FCF1: variants seen among roughly 807,000 people sequenced by gnomAD.
FCF1 encodes rRNA-processing protein FCF1 homolog.
FCF1 carries 17 observed loss-of-function variants against 32.5 expected under a neutral mutation model. The ratio of observed to expected loss-of-function variants is 0.52; its 90% CI spans 0.36 to 0.78. The LOEUF (loss-of-function observed/expected upper bound fraction) is 0.78. FCF1 is among the 30% of genes least tolerant of loss of function. The pLI is 0.00. For missense variants in FCF1, 201 were observed against 241.1 expected (o/e 0.83, Z 1.10); for synonymous variants, 84 against 78.4 (o/e 1.07, Z -0.38).
At position 74,736,025 on chromosome 14, in the gene FCF1, C is replaced by T. The variant is rs141342265; in HGVS notation, c.*1095C>T. 626 of 153,170 alleles carry T rather than the reference C, an allele frequency of 4.1e-3. 2 individuals are homozygous for T. The highest frequency in any genetic ancestry group is 9.8e-3 in the Middle Eastern group (3 of 306). 9.5% of individuals were successfully genotyped at this position (153,170 alleles called of 1,614,324 possible). On this transcript the variant is annotated 3_prime_UTR_variant, in exon 8 of 8. Transcript: ENST00000341162. ...CAAGCGATTCTCCTGCCTCAGCCTG[C>T]GGAGTAGCTGGGACTATAGGTGCGT...
intron 5 of FCF1, among the ~76,000 whole-genome samples, chr14:74,731,434 G>C (rs558261308): frequency 6.6e-6 from 1 of 152,266 alleles, no homozygotes; most frequent in East Asian, 1.9e-4. Flanking sequence ...CCTCCCTCTA[G>C]TGTATCCTCC....
chr14:74,730,405 AT>A (rs2140037340), intron 5 of FCF1, among the ~76,000 whole-genome samples: 1 of 151,870 alleles, frequency 6.6e-6, no homozygotes, highest in East Asian at 1.9e-4. Context: ...TGCATGGCTA[AT>A]TTTAAAAAAA....
At position 74,734,138 on chromosome 14, in the gene FCF1, T is replaced by C. The variant is rs1414555603; in HGVS notation, c.516T>C (p.Pro172=). Residue 172 remains proline, a synonymous_variant, in exon 7 of 8, where the codon CCT becomes CCC. Coordinates refer to ENST00000341162, the MANE Select transcript of FCF1 (RefSeq NM_015962.5). ...TGAAAAGAAGAATCCGTAAGATTCC[T>C]GGAGTTCCTATCATGTACATTTCTA... ...RDLKRRIRKI[P]GVPIMYISNH... The C allele has an allele frequency of 6.2e-7, 1 of 1,613,416 alleles. No homozygotes were observed. Among genetic ancestry groups the C allele is most frequent in the Non-Finnish European group, 8.5e-7 (1 of 1,179,460 alleles).
At position 74,736,048 on chromosome 14, in the gene FCF1, C is replaced by A. The variant is rs1594795030; in HGVS notation, c.*1118C>A. 6.6e-6 allele frequency: 1 copy of A among 152,354 alleles called. No individual in the cohort carries two copies. Among genetic ancestry groups the A allele is most frequent in the Admixed American group, 6.5e-5 (1 of 15,278 alleles). The allele number at this position is 152,354 out of a possible 1,614,324, so 9.4% of individuals were successfully genotyped here. ...TGCGGAGTAGCTGGGACTATAGGTG[C>A]GTGCCACCACGTCCAGCCACTGATG... On this transcript the variant is annotated 3_prime_UTR_variant, in exon 8 of 8. Transcript: ENST00000341162.
chr14:74,721,756 T>G (rs983323782), intron 4 of FCF1, among the ~76,000 whole-genome samples: 2 of 152,220 alleles, frequency 1.3e-5, no homozygotes, highest in African/African-American at 4.8e-5. Context: ...GGTGTAAAGT[T>G]ACATACTATT....
chr14:74,731,734 A>AT, intron 5 of FCF1, among the ~76,000 whole-genome samples: 1 of 152,056 alleles, frequency 6.6e-6, no homozygotes, highest in South Asian at 2.1e-4. Flanking sequence ...ACCCCATGTC[A>AT]TTTTTTTCTA....
At chr14:74,725,648 C>T (rs1317514561) in intron 5 of FCF1, among the ~76,000 whole-genome samples, 3 of 151,480 alleles carry the variant, frequency 2.0e-5, no homozygotes, top group Admixed American at 6.6e-5. Context: ...ATTTGCCGGG[C>T]GGCCAGCCAG....
intron 3 of FCF1, 88 bp from the exon 4 acceptor site, chr14:74,715,863 C>T: frequency 1.2e-6 from 2 of 1,606,146 alleles, no homozygotes; most frequent in Non-Finnish European, 1.7e-6. Context: ...TTACAGCAAA[C>T]AGTCCCAAGC....
intron 5 of FCF1, among the ~76,000 whole-genome samples, chr14:74,731,765 A>T (rs975675934): frequency 6.6e-6 from 1 of 152,100 alleles, no homozygotes; most frequent in Admixed American, 6.6e-5. Context: ...ACCCACATTG[A>T]CCTAGCGCTG....
intron 4 of FCF1, among the ~76,000 whole-genome samples, chr14:74,719,956 T>C (rs2090478173): frequency 6.6e-6 from 1 of 152,188 alleles, no homozygotes; most frequent in East Asian, 1.9e-4. Flanking sequence ...ATGGCCAACA[T>C]GGCAAAACTC....
intron 4 of FCF1, among the ~76,000 whole-genome samples, chr14:74,719,325 A>G (rs558717563): frequency 1.4e-4 from 21 of 150,652 alleles, no homozygotes; most frequent in Admixed American, 6.6e-4. Context: ...AGAAGAAGAA[A>G]AGAAAGTTGG....
chr14:74,715,934 T>A lies in FCF1; in HGVS notation c.144-17T>A, dbSNP rs768799836. Reference sequence around the variant, plus strand: ...CAATGTAAATTTTTCTTTGTTCTTGTTTTCTTTTTCCTTCAGTCCCCAACA... The same window carrying A: ...CAATGTAAATTTTTCTTTGTTCTTGATTTCTTTTTCCTTCAGTCCCCAACA... On this transcript the variant is annotated splice_polypyrimidine_tract_variant and intron_variant, in intron 3 of 7. Coordinates refer to ENST00000341162, the MANE Select transcript of FCF1 (RefSeq NM_015962.5). The A allele has an allele frequency of 3.1e-6, 5 of 1,612,368 alleles. No individual in the cohort carries two copies. The South Asian group carries it at 5.5e-5, about 18-fold the overall frequency.
chr14:74,720,373 A>G (rs376272256), intron 4 of FCF1, among the ~76,000 whole-genome samples: 1 of 152,024 alleles, frequency 6.6e-6, no homozygotes, highest in Non-Finnish European at 1.5e-5. Context: ...CATTCTCTCT[A>G]TTTCTAGGCA....
In FCF1 at chr14:74,732,715, T is replaced by C. The variant is rs1166602883; in HGVS notation, c.366-16T>C. On this transcript the variant is annotated splice_polypyrimidine_tract_variant and intron_variant, in intron 5 of 7. Transcript: ENST00000341162. ...GTTATCCAGCTGATTGAATGTTTTCTTTAATCCACCTACAGGATTGCCAAG... is the reference window on the plus strand; with the variant it reads ...GTTATCCAGCTGATTGAATGTTTTCCTTAATCCACCTACAGGATTGCCAAG... The C allele has an allele frequency of 1.3e-6, 2 of 1,571,214 alleles. No individual in the cohort carries two copies. The highest frequency in any genetic ancestry group is 4.5e-5 in the East Asian group (2 of 44,652).
At chr14:74,719,768 A>AG (rs1008263983) in intron 4 of FCF1, among the ~76,000 whole-genome samples, 5 of 152,152 alleles carry the variant, frequency 3.3e-5, no homozygotes, top group East Asian at 1.9e-4. Context: ...CTGTCTCAAA[A>AG]GGGGGAAAAA....
rs1013488097 is a variant in FCF1, at chr14:74,734,148, A to G, written c.526A>G (p.Ile176Val). The G allele has an allele frequency of 1.2e-5, 20 of 1,612,528 alleles. No individual in the cohort carries two copies. The African/African-American group carries it at 1.7e-4, about 14-fold the overall frequency. Residue 176 changes from isoleucine (I) to valine (V), a missense_variant, in exon 7 of 8, where the codon ATC (isoleucine) becomes GTC (valine). This residue lies in a region of FCF1 where 121 missense variants were observed against 147.8 expected (regional missense o/e 0.82). Coordinates refer to ENST00000341162, the MANE Select transcript of FCF1 (RefSeq NM_015962.5). ...RRIRKIPGVPIMYISNHRYNI... is the reference protein window; with the variant it reads ...RRIRKIPGVPVMYISNHRYNI... The stretch of plus-strand genomic sequence containing the variant: ...AATCCGTAAGATTCCTGGAGTTCCT[A>G]TCATGTACATTTCTAACCATAGGTG...
At chr14:74,734,744 T>C (rs1024304481) in intron 7 of FCF1, 138 bp from the exon 8 acceptor site, 10 of 697,788 alleles carry the variant, frequency 1.4e-5, no homozygotes, top group Non-Finnish European at 2.6e-5. Flanking sequence ...TCATTCATTA[T>C]GATGTTCCCC....
chr14:74,718,332 T>A (rs778652295), intron 4 of FCF1, among the ~76,000 whole-genome samples: 10 of 152,186 alleles, frequency 6.6e-5, no homozygotes, highest in Non-Finnish European at 1.3e-4. Context: ...ATCCTGAGGC[T>A]GTTACTTTCC....
chr14:74,722,697 G>A (rs1364663503), intron 4 of FCF1, among the ~76,000 whole-genome samples: 4 of 152,002 alleles, frequency 2.6e-5, no homozygotes, highest in African/African-American at 9.7e-5. Flanking sequence ...CACTTTGGGA[G>A]CCCAAGACAG....
Sources: allele counts gnomAD v4.1 joint callset (sites outside exome capture counted in the v4.1 genomes callset), GRCh38; gene constraint gnomAD v4.1.1; regional missense constraint gnomAD v4.1.1; transcripts MANE v1.5; gene names NCBI Gene and HGNC (gene_info 2026-07-23, HGNC 2026-07-21).